The following CSMD1 variants were observed in gnomAD, a reference collection of about 807,000 sequenced individuals.
The protein encoded by CSMD1 is CUB and sushi domain-containing protein 1.
CSMD1 carries 213 observed loss-of-function variants against 417.5 expected under a neutral mutation model. The ratio of observed to expected loss-of-function variants is 0.51; its 90% CI spans 0.46 to 0.57. CSMD1 has a LOEUF of 0.57. CSMD1 is among the 20% of genes least tolerant of loss of function. The pLI, the probability that CSMD1 is intolerant of heterozygous loss-of-function variation, is 0.00. For synonymous variants in CSMD1, 2,862 were observed against 1,736.8 expected (o/e 1.65, Z -16.11); for missense variants, 6,923 against 4,529.7 (o/e 1.53, Z -15.17).
intron 1 of CSMD1, among the ~76,000 whole-genome samples, chr8:4,773,400 T>C (rs1454327444): frequency 6.6e-6 from 1 of 152,162 alleles, no homozygotes; most frequent in Non-Finnish European, 1.5e-5. Flanking sequence ...TAGCTCCTTG[T>C]TTCTGCAGCA....
chr8:4,547,569 A>G (rs190096282), intron 2 of CSMD1, among the ~76,000 whole-genome samples: 151 of 152,320 alleles, frequency 9.9e-4, no homozygotes, highest in African/African-American at 3.1e-3. Context: ...TGGATAAACC[A>G]TCATCTATCT....
chr8:3,575,106 G>T, intron 9 of CSMD1, 40 bp from the exon 10 acceptor site: 1 of 1,598,654 alleles, frequency 6.3e-7, no homozygotes, highest in South Asian at 1.1e-5. Context: ...CTACAACATT[G>T]TGTCAGTTTG....
intron 7 of CSMD1, among the ~76,000 whole-genome samples, chr8:3,633,255 A>G (rs928843620): frequency 1.3e-5 from 2 of 152,244 alleles, no homozygotes; most frequent in African/African-American, 2.4e-5. Flanking sequence ...AATTACTCTG[A>G]CACTGAGAAG....
At chr8:3,830,708 G>C (rs1320585220) in intron 5 of CSMD1, among the ~76,000 whole-genome samples, 1 of 152,084 alleles carries the variant, frequency 6.6e-6, no homozygotes, top group Non-Finnish European at 1.5e-5. Context: ...ATTCCTCCCA[G>C]ACCTGCTGAA....
intron 7 of CSMD1, among the ~76,000 whole-genome samples, chr8:3,634,945 A>G (rs79455763): frequency 0.017 from 2,520 of 152,246 alleles, 70 homozygotes; most frequent in African/African-American, 0.055. Context: ...ACCACATGTG[A>G]CTGTACTGAA....
Position 4,719,837 on chromosome 8 carries a change from C to G in CSMD1, c.86-82279G>C, listed in dbSNP as rs149337081. ...TTTACTTTCATAAATAAAATTTTAT[C>G]TCATTAAAGTAGTATAAAATATGGG... On this transcript the variant is annotated intron_variant, in intron 1 of 69. Coordinates refer to ENST00000635120, the MANE Select transcript of CSMD1 (RefSeq NM_033225.6). Among the ~76,000 whole-genome samples the G allele has an allele frequency of 3.7e-3, 564 of 152,162 alleles. 2 individuals are homozygous for G. The highest frequency in any genetic ancestry group is 0.012 in the African/African-American group (500 of 41,508).
intron 3 of CSMD1, among the ~76,000 whole-genome samples, chr8:4,120,105 C>T (rs966302810): frequency 1.3e-4 from 20 of 152,152 alleles, no homozygotes; most frequent in African/African-American, 4.6e-4. Flanking sequence ...GGGATGGACA[C>T]CCCATTATCC....
At chr8:4,012,759 T>C (rs747815090) in intron 4 of CSMD1, among the ~76,000 whole-genome samples, 1 of 152,180 alleles carries the variant, frequency 6.6e-6, no homozygotes, top group South Asian at 2.1e-4. Flanking sequence ...TCTTTTGCTC[T>C]TTCCATTTTC....
chr8:4,740,748 G>C (rs988649630), intron 1 of CSMD1, among the ~76,000 whole-genome samples: 1 of 152,032 alleles, frequency 6.6e-6, no homozygotes, highest in Non-Finnish European at 1.5e-5. Context: ...GCAAGATCCT[G>C]TCTCAAAATA....
chr8:4,789,140 A>T lies in CSMD1; in HGVS notation c.86-151582T>A, dbSNP rs1377057839. On this transcript the variant is annotated intron_variant, in intron 1 of 69. Transcript: ENST00000635120. Reference sequence around the variant, plus strand: ...TTGGGATTCTTGTAAGAGTTCACTGAAAATGAAATACAATGTTGTATGTTC... The same window carrying T: ...TTGGGATTCTTGTAAGAGTTCACTGTAAATGAAATACAATGTTGTATGTTC... Among the ~76,000 whole-genome samples the T allele has an allele frequency of 2.0e-5, 3 of 152,246 alleles. No individual in the cohort carries two copies. The East Asian group carries it at 5.8e-4, about 29-fold the overall frequency.
intron 42 of CSMD1, among the ~76,000 whole-genome samples, chr8:3,115,040 C>T (rs1014076020): frequency 1.6e-4 from 24 of 152,128 alleles, no homozygotes; most frequent in Admixed American, 3.9e-4. Flanking sequence ...TATTTTTATG[C>T]ATAAACATTT....
intron 41 of CSMD1, among the ~76,000 whole-genome samples, chr8:3,133,131 G>C (rs1033573517): frequency 1.3e-5 from 2 of 152,214 alleles, no homozygotes; most frequent in Non-Finnish European, 2.9e-5. Context: ...CTGCAGCGTG[G>C]GCCGGCACAC....
intron 5 of CSMD1, among the ~76,000 whole-genome samples, chr8:3,894,206 C>A (rs1040622618): frequency 6.6e-6 from 1 of 151,996 alleles, no homozygotes; most frequent in Non-Finnish European, 1.5e-5. Flanking sequence ...TGTTCTAAAC[C>A]CAGAAGACAA....
intron 1 of CSMD1, among the ~76,000 whole-genome samples, chr8:4,789,062 C>A (rs1299346534): frequency 6.6e-6 from 1 of 152,184 alleles, no homozygotes; most frequent in Non-Finnish European, 1.5e-5. Flanking sequence ...TATTCAACTT[C>A]TTGGGACCTC....
chr8:3,294,088 G>C (rs202039127), intron 25 of CSMD1, among the ~76,000 whole-genome samples: 2 of 152,196 alleles, frequency 1.3e-5, no homozygotes, highest in Non-Finnish European at 2.9e-5. Flanking sequence ...TGCTGGAGGT[G>C]CACTCCGGAC....
chr8:3,841,590 G>A (rs1051956100), intron 5 of CSMD1, among the ~76,000 whole-genome samples: 1 of 151,760 alleles, frequency 6.6e-6, no homozygotes, highest in African/African-American at 2.4e-5. Flanking sequence ...CCAAATATTA[G>A]CACTAGAAAG....
chr8:3,353,667 TA>T (rs1201280019), intron 21 of CSMD1, among the ~76,000 whole-genome samples: 1 of 152,208 alleles, frequency 6.6e-6, no homozygotes, highest in Non-Finnish European at 1.5e-5. Flanking sequence ...GAGCTTGATT[TA>T]AAACATTCAT....
chr8:4,020,685 T>C (rs189049989), intron 4 of CSMD1, among the ~76,000 whole-genome samples: 4 of 152,232 alleles, frequency 2.6e-5, no homozygotes, highest in Admixed American at 6.5e-5. Context: ...GCTGTTTTCA[T>C]TTTACTCCCT....
chr8:4,192,119 G>T (rs1036599133), intron 3 of CSMD1, among the ~76,000 whole-genome samples: 1 of 152,138 alleles, frequency 6.6e-6, no homozygotes, highest in Non-Finnish European at 1.5e-5. Flanking sequence ...AGGATCATCT[G>T]CATTGCAAAT....
Sources: allele counts gnomAD v4.1 joint callset (sites outside exome capture counted in the v4.1 genomes callset), GRCh38; gene constraint gnomAD v4.1.1; transcripts MANE v1.5; gene names NCBI Gene and HGNC (gene_info 2026-07-23, HGNC 2026-07-21).